The following FIRRM variants were observed in gnomAD, a reference collection of about 807,000 sequenced individuals.
FIRRM encodes FIGNL1 interacting regulator of recombination and mitosis.
the FIRRM span, among the ~76,000 whole-genome samples, chr1:169,791,337 C>A: frequency 6.6e-6 from 1 of 152,060 alleles, no homozygotes; most frequent in East Asian, 1.9e-4. Flanking sequence ...TATAATTATA[C>A]ATAAACTAGG....
the FIRRM span, among the ~76,000 whole-genome samples, chr1:169,819,580 A>C: frequency 2.0e-5 from 3 of 152,176 alleles, no homozygotes; most frequent in Non-Finnish European, 4.4e-5. Context: ...CTAAAAAAGG[A>C]TCTGTGGTGC....
chr1:169,812,648 G>A, the FIRRM span, among the ~76,000 whole-genome samples: 1 of 152,084 alleles, frequency 6.6e-6, no homozygotes, highest in Non-Finnish European at 1.5e-5. Context: ...GCTTGAGCTA[G>A]GAGTTCGAGA....
At chr1:169,847,648 C>T in the FIRRM span, 1 of 1,356,504 alleles carries the variant, frequency 7.4e-7, no homozygotes, top group Admixed American at 1.8e-5. Context: ...GTACAAAATA[C>T]TGGTATTATT....
chr1:169,813,343 A>C, the FIRRM span, among the ~76,000 whole-genome samples: 2 of 152,216 alleles, frequency 1.3e-5, no homozygotes, highest in Admixed American at 1.3e-4. Context: ...ACCAGGACTT[A>C]AATCCAGGCA....
chr1:169,832,634 G>A, the FIRRM span: 27 of 650,260 alleles, frequency 4.2e-5, no homozygotes, highest in East Asian at 6.9e-4. Context: ...ACAGAGTCTC[G>A]CTCTGTCACC....
the FIRRM span, chr1:169,847,787 T>C: frequency 9.4e-6 from 15 of 1,600,898 alleles, no homozygotes; most frequent in Non-Finnish European, 1.2e-5. Flanking sequence ...AAACTTTTTA[T>C]ACCTGAAGCT....
chr1:169,826,059 C>T, the FIRRM span: 1 of 294,924 alleles, frequency 3.4e-6, no homozygotes, highest in Non-Finnish European at 6.8e-6. Context: ...AGCATTCTGC[C>T]TATTTTAAAA....
At chr1:169,822,630 G>A in the FIRRM span, among the ~76,000 whole-genome samples, 8 of 152,054 alleles carry the variant, frequency 5.3e-5, no homozygotes, top group African/African-American at 1.9e-4. Context: ...CTCCCGAGGA[G>A]CTGAGACCAC....
the FIRRM span, among the ~76,000 whole-genome samples, chr1:169,825,456 A>G: frequency 2.6e-5 from 4 of 152,188 alleles, no homozygotes; most frequent in South Asian, 6.2e-4. Context: ...TATTCTCTTT[A>G]TTACTGTATC....
the FIRRM span, among the ~76,000 whole-genome samples, chr1:169,835,976 G>A: frequency 1.3e-5 from 2 of 151,568 alleles, no homozygotes; most frequent in African/African-American, 2.4e-5. Context: ...GCATTGACTG[G>A]TAAATATTTT....
chr1:169,849,222 G>T, the FIRRM span, among the ~76,000 whole-genome samples: 6 of 152,152 alleles, frequency 3.9e-5, no homozygotes, highest in Non-Finnish European at 7.4e-5. Flanking sequence ...ACTGGAGATG[G>T]GAGCATGCCT....
At chr1:169,850,903 TAA>T in the FIRRM span, 1 of 143,824 alleles carries the variant, frequency 7.0e-6, no homozygotes, top group African/African-American at 2.6e-5. Context: ...TAATCATAAT[TAA>T]ATACACTTGA....
the FIRRM span, chr1:169,851,528 G>C: frequency 6.6e-6 from 2 of 303,374 alleles, no homozygotes; most frequent in Non-Finnish European, 1.2e-5. Context: ...TGGATTTTAA[G>C]TACATGTGTA....
the FIRRM span, among the ~76,000 whole-genome samples, chr1:169,841,746 G>A: frequency 2.0e-5 from 3 of 152,100 alleles, no homozygotes; most frequent in African/African-American, 4.8e-5. Context: ...TGCTGGGTGC[G>A]TAATGTGAAA....
the FIRRM span, chr1:169,795,918 A>G: frequency 2.0e-6 from 2 of 985,468 alleles, no homozygotes; most frequent in Non-Finnish European, 2.4e-6. Context: ...GTCCGGGTGC[A>G]GCACATTCTT....
At chr1:169,846,101 T>C in the FIRRM span, among the ~76,000 whole-genome samples, 28,319 of 152,194 alleles carry the variant, frequency 0.19, 2,791 homozygotes, top group South Asian at 0.27. Flanking sequence ...CATCTCCTTA[T>C]ACGTCTCCTT....
chr1:169,793,624 A>C, the FIRRM span: 2 of 1,614,172 alleles, frequency 1.2e-6, no homozygotes, highest in Non-Finnish European at 1.7e-6. Context: ...CCAGGGTCAA[A>C]GCTCCATCTC....
chr1:169,815,739 A>C, the FIRRM span, among the ~76,000 whole-genome samples: 4,072 of 152,214 alleles, frequency 0.027, 206 homozygotes, highest in East Asian at 0.22. Flanking sequence ...CCTAACCTGG[A>C]AATGCAGTCC....
the FIRRM span, among the ~76,000 whole-genome samples, chr1:169,807,056 T>C: frequency 0.066 from 10,079 of 152,292 alleles, 430 homozygotes; most frequent in Non-Finnish European, 0.099. Context: ...CAGATCATGT[T>C]ACTCTATTGC....
Sources: gnomAD v4.1 joint callset for allele counts (sites outside exome capture counted in the v4.1 genomes callset) on GRCh38, gnomAD v4.1.1 for gene constraint, MANE v1.5 for transcripts, NCBI Gene and HGNC (gene_info 2026-07-23, HGNC 2026-07-21) for gene names.